The following NRG3 variants were observed in gnomAD, a reference collection of about 807,000 sequenced individuals.
The protein encoded by NRG3 is neuregulin 3, also known as pro-neuregulin-3, membrane-bound isoform.
Under a neutral mutation model 66.9 loss-of-function variants are expected in NRG3, and 31 were observed. The ratio of observed to expected loss-of-function variants is 0.46; its 90% CI spans 0.35 to 0.63. NRG3 has a LOEUF of 0.63. Ranked by LOEUF, NRG3 falls within the 20% of genes least tolerant of loss-of-function variation. The pLI is 0.00. For synonymous variants in NRG3, 393 were observed against 359.4 expected, an observed-to-expected ratio of 1.09 and a Z score of -1.06; for missense variants, 910 against 878.9, an observed-to-expected ratio of 1.04 and a Z score of -0.45.
chr10:82,790,375 T>C (rs1412679402), intron 3 of NRG3, among the ~76,000 whole-genome samples: 1 of 152,140 alleles, frequency 6.6e-6, no homozygotes, highest in African/African-American at 2.4e-5. Flanking sequence ...TTGGTTTTTT[T>C]CTTTCAACAG....
At chr10:81,902,260 G>A (rs949524112) in intron 1 of NRG3, among the ~76,000 whole-genome samples, 6 of 151,918 alleles carry the variant, frequency 3.9e-5, no homozygotes, top group African/African-American at 7.3e-5. Flanking sequence ...GGATTTTCTC[G>A]AGGTAATGGA....
intron 6 of NRG3, among the ~76,000 whole-genome samples, chr10:82,973,119 C>G (rs551029548): frequency 6.6e-6 from 1 of 152,126 alleles, no homozygotes; most frequent in Non-Finnish European, 1.5e-5. Context: ...CTTATTGGCT[C>G]TTGAGATGCC....
At position 81,909,435 on chromosome 10, in the gene NRG3, C is replaced by T. The variant is rs138130629; in HGVS notation, c.823+33272C>T. Among the ~76,000 whole-genome samples the T allele has an allele frequency of 3.6e-3, 542 of 152,090 alleles. 3 individuals carry two copies. The highest frequency in any genetic ancestry group is 0.012 in the African/African-American group (493 of 41,482). ...AATGGAGATGGGATGGTGGTATTAACGGGTATGGTAGTCTGTGGTGAGGGT... is the reference window on the plus strand; with the variant it reads ...AATGGAGATGGGATGGTGGTATTAATGGGTATGGTAGTCTGTGGTGAGGGT... On this transcript the variant is annotated intron_variant, in intron 1 of 8. Transcript: ENST00000372141.
At chr10:82,574,620 C>T (rs183879719) in intron 2 of NRG3, among the ~76,000 whole-genome samples, 1 of 151,822 alleles carries the variant, frequency 6.6e-6, no homozygotes, top group East Asian at 1.9e-4. Flanking sequence ...GCATTGTATA[C>T]ATGTATCAAA....
intron 2 of NRG3, among the ~76,000 whole-genome samples, chr10:82,368,726 A>G (rs546977551): frequency 7.2e-6 from 1 of 138,630 alleles, no homozygotes; most frequent in South Asian, 2.2e-4. Context: ...AAAATTATAT[A>G]GTTTAAGTGG....
At chr10:82,531,234 G>T (rs866445270) in intron 2 of NRG3, among the ~76,000 whole-genome samples, 10 of 151,494 alleles carry the variant, frequency 6.6e-5, no homozygotes, top group African/African-American at 2.4e-4. Context: ...GTCCATACAG[G>T]TTTACAGGTA....
At chr10:82,572,280 A>C (rs145453317) in intron 2 of NRG3, among the ~76,000 whole-genome samples, 1 of 151,532 alleles carries the variant, frequency 6.6e-6, no homozygotes, top group Non-Finnish European at 1.5e-5. Flanking sequence ...TAATTCTGCT[A>C]TCAGGAAGTT....
intron 2 of NRG3, among the ~76,000 whole-genome samples, chr10:82,735,149 T>A (rs747029886): frequency 1.3e-5 from 2 of 152,218 alleles, no homozygotes; most frequent in East Asian, 1.9e-4. Flanking sequence ...GAGACTTTTT[T>A]AAAAACAATT....
chr10:82,351,262 T>C (rs2083423638), intron 1 of NRG3, among the ~76,000 whole-genome samples: 1 of 152,218 alleles, frequency 6.6e-6, no homozygotes, highest in Non-Finnish European at 1.5e-5. Flanking sequence ...AGGCTGTTTC[T>C]ATGTGTGAGA....
intron 4 of NRG3, among the ~76,000 whole-genome samples, chr10:82,879,723 T>C (rs918649800): frequency 6.6e-6 from 1 of 152,008 alleles, no homozygotes; most frequent in Admixed American, 6.5e-5. Context: ...TGATCCGCCC[T>C]CCTCGGCCTC....
intron 1 of NRG3, among the ~76,000 whole-genome samples, chr10:82,348,274 A>T (rs1262806544): frequency 6.6e-6 from 1 of 151,502 alleles, no homozygotes; most frequent in Non-Finnish European, 1.5e-5. Flanking sequence ...TGGTGACAAA[A>T]TCTCTCAGCA....
intron 2 of NRG3, among the ~76,000 whole-genome samples, chr10:82,493,751 T>A (rs1274076838): frequency 6.6e-6 from 1 of 152,168 alleles, no homozygotes; most frequent in Non-Finnish European, 1.5e-5. Context: ...ACAAATGGGA[T>A]CTCATTACAT....
At chr10:82,419,515 A>G (rs568248310) in intron 2 of NRG3, among the ~76,000 whole-genome samples, 2 of 152,300 alleles carry the variant, frequency 1.3e-5, no homozygotes, top group South Asian at 4.1e-4. Context: ...AAGTCTTTCC[A>G]TTAAATTATT....
chr10:82,347,196 G>A (rs11527939), intron 1 of NRG3, among the ~76,000 whole-genome samples: 20,051 of 144,650 alleles, frequency 0.14, 1,417 homozygotes, highest in East Asian at 0.28. Context: ...TTTCTCTTGT[G>A]GGCATTTAGT....
At chr10:82,842,801 G>A (rs1162993651) in intron 3 of NRG3, among the ~76,000 whole-genome samples, 1 of 151,564 alleles carries the variant, frequency 6.6e-6, no homozygotes, top group Non-Finnish European at 1.5e-5. Flanking sequence ...TGTCGCTGCT[G>A]CCTCAAACTT....
At chr10:82,334,966 A>G (rs1564807120) in intron 1 of NRG3, among the ~76,000 whole-genome samples, 1 of 152,228 alleles carries the variant, frequency 6.6e-6, no homozygotes. Flanking sequence ...ACATTCATTT[A>G]TATAATTCTC....
intron 1 of NRG3, among the ~76,000 whole-genome samples, chr10:82,267,291 G>A (rs2078347791): frequency 6.6e-6 from 1 of 152,180 alleles, no homozygotes; most frequent in African/African-American, 2.4e-5. Context: ...GGTACAAAAT[G>A]TGTGCCTTAT....
intron 2 of NRG3, among the ~76,000 whole-genome samples, chr10:82,483,628 A>G (rs1001281397): frequency 3.9e-5 from 6 of 152,158 alleles, no homozygotes; most frequent in Non-Finnish European, 8.8e-5. Context: ...AAACACACAC[A>G]CGCCAGGCCC....
intron 4 of NRG3, among the ~76,000 whole-genome samples, chr10:82,874,861 T>G (rs372185738): frequency 6.6e-6 from 1 of 152,188 alleles, no homozygotes; most frequent in Non-Finnish European, 1.5e-5. Context: ...GTTGTACTCT[T>G]GCAGTGTTTC....
Sources: gnomAD v4.1 joint callset for allele counts (sites outside exome capture counted in the v4.1 genomes callset) on GRCh38, gnomAD v4.1.1 for gene constraint, MANE v1.5 for transcripts, NCBI Gene and HGNC (gene_info 2026-07-23, HGNC 2026-07-21) for gene names.